KPNA1: variants seen among roughly 807,000 people sequenced by gnomAD.
KPNA1 encodes the protein karyopherin subunit alpha 1, also known as importin subunit alpha-5.
Under a neutral mutation model 70.5 loss-of-function variants are expected in KPNA1, and 10 were observed. The ratio of observed to expected loss-of-function variants is 0.14; its 90% CI spans 0.09 to 0.24. The LOEUF (loss-of-function observed/expected upper bound fraction) is 0.24. Ranked by LOEUF, KPNA1 falls within the 10% of genes least tolerant of loss-of-function variation. The probability of loss-of-function intolerance (pLI) is 1.00; values close to 1 mark genes in which losing one functional copy is unlikely to be tolerated. For missense variants in KPNA1, 397 were observed against 637.9 expected (o/e 0.62, Z 4.07); for synonymous variants, 192 against 221.9 (o/e 0.87, Z 1.20).
intron 5 of KPNA1, 146 bp from the exon 6 acceptor site, chr3:122,454,147 AAAG>A (rs910261498): frequency 1.5e-5 from 8 of 517,970 alleles, no homozygotes; most frequent in Non-Finnish European, 2.3e-5. Flanking sequence ...ATTAATTTTA[AAAG>A]AAGAATATCC....
intron 10 of KPNA1, among the ~76,000 whole-genome samples, chr3:122,441,182 G>A (rs980701715): frequency 6.6e-6 from 1 of 152,172 alleles, no homozygotes; most frequent in African/African-American, 2.4e-5. Flanking sequence ...AGCTTGCTAG[G>A]GAGAAATAAA....
At chr3:122,446,071 T>C (rs557996687) in intron 9 of KPNA1, among the ~76,000 whole-genome samples, 7 of 152,164 alleles carry the variant, frequency 4.6e-5, no homozygotes, top group Admixed American at 1.3e-4. Flanking sequence ...GCAATAATAA[T>C]GGGAGACTTT....
At chr3:122,447,015 G>A (rs1560024885) in intron 9 of KPNA1, among the ~76,000 whole-genome samples, 1 of 152,122 alleles carries the variant, frequency 6.6e-6, no homozygotes, top group Non-Finnish European at 1.5e-5. Flanking sequence ...CTCTGAAATT[G>A]AGGCAGTAAT....
intron 2 of KPNA1, among the ~76,000 whole-genome samples, chr3:122,488,344 G>C (rs2076653997): frequency 6.6e-6 from 1 of 151,860 alleles, no homozygotes; most frequent in South Asian, 2.1e-4. Context: ...AACATAGTGA[G>C]ACCCCATCTC....
chr3:122,457,141 C>A (rs2076273370), intron 5 of KPNA1, among the ~76,000 whole-genome samples: 1 of 152,128 alleles, frequency 6.6e-6, no homozygotes, highest in African/African-American at 2.4e-5. Flanking sequence ...ATTAGATGTA[C>A]TTTAAACTAC....
chr3:122,437,068 C>T, intron 11 of KPNA1, 102 bp downstream of exon 11: 1 of 1,225,324 alleles, frequency 8.2e-7, no homozygotes, highest in Non-Finnish European at 1.1e-6. Context: ...GCAGGAGCCA[C>T]CGCACCCAGC....
chr3:122,491,672 A>G (rs933396774), intron 2 of KPNA1, among the ~76,000 whole-genome samples: 4 of 152,330 alleles, frequency 2.6e-5, no homozygotes, highest in African/African-American at 9.6e-5. Context: ...ACGTCTCAGC[A>G]TGATGGACAA....
chr3:122,499,016 C>G (rs2076794404), intron 1 of KPNA1, among the ~76,000 whole-genome samples: 1 of 152,172 alleles, frequency 6.6e-6, no homozygotes. Context: ...TTTTAATTCT[C>G]AGACTGTTCA....
chr3:122,432,179 T>A (rs184369340), intron 12 of KPNA1, among the ~76,000 whole-genome samples: 1 of 152,284 alleles, frequency 6.6e-6, no homozygotes, highest in Admixed American at 6.5e-5. Flanking sequence ...AATTTGAACA[T>A]AAAGCTTATT....
intron 2 of KPNA1, among the ~76,000 whole-genome samples, chr3:122,495,743 A>G (rs1417369054): frequency 6.6e-6 from 1 of 151,770 alleles, no homozygotes; most frequent in Non-Finnish European, 1.5e-5. Context: ...AAAAAAAAAA[A>G]AAAAGTCACT....
At chr3:122,469,885 A>T (rs947517426) in intron 2 of KPNA1, among the ~76,000 whole-genome samples, 20 of 152,236 alleles carry the variant, frequency 1.3e-4, no homozygotes, top group African/African-American at 4.3e-4. Context: ...TGAGAGAGAA[A>T]ACCACCAACC....
chr3:122,433,186 C>A (rs1342211841), intron 12 of KPNA1: 1 of 152,660 alleles, frequency 6.6e-6, no homozygotes, highest in Non-Finnish European at 1.5e-5. Context: ...CCTGCCTCTA[C>A]TAAATTTGGC....
At chr3:122,427,210 T>G (rs371836147) in intron 13 of KPNA1, 38 bp from the exon 14 acceptor site, 23 of 1,463,826 alleles carry the variant, frequency 1.6e-5, no homozygotes, top group African/African-American at 1.4e-5. Flanking sequence ...TATTGAAAAC[T>G]TCAATAAATA....
At position 122,427,602 on chromosome 3, in the gene KPNA1, T is replaced by G; in HGVS notation, c.1365A>C (p.Glu455Asp). 6.2e-7 allele frequency: 1 copy of G among 1,614,152 alleles called. No homozygotes were observed. The highest frequency in any genetic ancestry group is 8.5e-7 in the Non-Finnish European group (1 of 1,180,012). The change falls in exon 13 of 14, where the codon GAA (glutamate) becomes GAC (aspartate). Residue 455 changes from glutamate (E) to aspartate (D), a missense_variant. Coordinates refer to ENST00000344337, the MANE Select transcript of KPNA1 (RefSeq NM_002264.4). The part of the protein sequence containing the change: ...NGLENILRLG[E>D]QEAKRNGTGI... ...CAGTGCCATTCCTTTTGGCTTCCTGTTCTCCAAGCCTCAGGATATTTTCCA... is the reference window on the plus strand; with the variant it reads ...CAGTGCCATTCCTTTTGGCTTCCTGGTCTCCAAGCCTCAGGATATTTTCCA...
chr3:122,464,759 C>T (rs2076362128), intron 3 of KPNA1, among the ~76,000 whole-genome samples: 1 of 152,118 alleles, frequency 6.6e-6, no homozygotes, highest in African/African-American at 2.4e-5. Flanking sequence ...AGTTAATTTT[C>T]TTCTCAGGGT....
At chr3:122,501,215 G>T (rs912863496) in intron 1 of KPNA1, among the ~76,000 whole-genome samples, 17 of 151,794 alleles carry the variant, frequency 1.1e-4, no homozygotes, top group African/African-American at 4.1e-4. Flanking sequence ...TTTTAGTAGA[G>T]TCGAGGTTTC....
intron 2 of KPNA1, among the ~76,000 whole-genome samples, chr3:122,494,342 T>C (rs528134041): frequency 6.6e-6 from 1 of 152,318 alleles, no homozygotes; most frequent in South Asian, 2.1e-4. Context: ...TTTCATTCTT[T>C]TGCACACAGC....
intron 2 of KPNA1, among the ~76,000 whole-genome samples, chr3:122,490,429 T>TC (rs2076685179): frequency 6.6e-6 from 1 of 152,236 alleles, no homozygotes; most frequent in Admixed American, 6.5e-5. Flanking sequence ...ATCTGTTTAT[T>TC]CCTGGTTCCT....
chr3:122,427,987 A>G (rs554044169), intron 12 of KPNA1, among the ~76,000 whole-genome samples: 28 of 152,184 alleles, frequency 1.8e-4, no homozygotes, highest in Non-Finnish European at 3.7e-4. Context: ...TTACTTATTA[A>G]TACCTTGAAA....
Sources: allele counts gnomAD v4.1 joint callset (sites outside exome capture counted in the v4.1 genomes callset), GRCh38; gene constraint gnomAD v4.1.1; transcripts MANE v1.5; gene names NCBI Gene and HGNC (gene_info 2026-07-23, HGNC 2026-07-21).